Variants in ZNF862 observed in about 807,000 individuals in gnomAD.
The protein encoded by ZNF862 is zinc finger protein 862.
A neutral mutation model predicts 91.1 loss-of-function variants in ZNF862; 64 were observed. The observed-to-expected ratio is 0.70, with a 90% CI of 0.57 to 0.87. The LOEUF (loss-of-function observed/expected upper bound fraction) is 0.87, where lower values mean the gene tolerates loss of function less well. ZNF862 is among the 40% of genes least tolerant of loss of function. The pLI is 0.00. For missense variants in ZNF862, 1,459 were observed against 1,528.0 expected (o/e 0.95, Z 0.75); for synonymous variants, 631 against 618.1 (o/e 1.02, Z -0.31).
intron 5 of ZNF862, among the ~76,000 whole-genome samples, chr7:149,856,886 C>G (rs1435776179): frequency 6.6e-6 from 1 of 152,244 alleles, no homozygotes; most frequent in Non-Finnish European, 1.5e-5. Flanking sequence ...ATTCTTCCCT[C>G]ATGATTCAGT....
chr7:149,861,471 G>A lies in ZNF862; in HGVS notation c.2311G>A (p.Ala771Thr), dbSNP rs1159540279. 1 of 1,613,242 alleles carries A rather than the reference G, an allele frequency of 6.2e-7. No homozygotes were observed. Residue 771 changes from alanine (A) to threonine (T), a missense_variant, in exon 7 of 8, where the codon GCG becomes ACG. By Grantham distance (58) the Ala-to-Thr change is moderately conservative. Transcript: ENST00000223210. The surrounding 1 kb of genome is among the most constrained non-coding windows in gnomAD (Gnocchi z 6.7). ...GAGGCTGAACGAGCTGCAGGAAGGT[G>A]CGGCGCCTCTGGAGCAGGAGATCAT... is the stretch of plus-strand genomic sequence containing the variant. The part of the protein sequence containing the change: ...NKRLNELQEG[A>T]APLEQEIIRL...
In ZNF862 at chr7:149,838,382, G is replaced by A. The variant is rs1801590414; in HGVS notation, c.-230G>A. 1 of 394,368 alleles carries A rather than the reference G, an allele frequency of 2.5e-6. No homozygotes were observed. Among genetic ancestry groups the A allele is most frequent in the Non-Finnish European group, 4.5e-6 (1 of 223,836 alleles). 24.4% of individuals were successfully genotyped at this position (394,368 alleles called of 1,614,324 possible). A position where few individuals can be genotyped will look rare whatever the true frequency, so the allele number is the denominator to read the frequency against. On this transcript the variant is annotated 5_prime_UTR_variant, in exon 1 of 8. Transcript: ENST00000223210. ...CGCCGCCTGGGGCTGGGCAGTGACC[G>A]TAAAGCTGTTCGCTCGGTGCGACGC... is the stretch of plus-strand genomic sequence containing the variant.
chr7:149,855,919 C>T lies in ZNF862; in HGVS notation c.1118-3503C>T, dbSNP rs142622706. The T allele has an allele frequency of 9.3e-3, 1,425 of 152,420 alleles. 27 individuals carry two copies. The highest frequency in any genetic ancestry group is 0.032 in the African/African-American group (1,343 of 41,568). The allele number at this position is 152,420 out of a possible 1,614,324, so 9.4% of individuals were successfully genotyped here. A position where few individuals can be genotyped will look rare whatever the true frequency, so the allele number is the denominator to read the frequency against. On this transcript the variant is annotated intron_variant, in intron 5 of 7. Transcript: ENST00000223210. The surrounding 1 kb of genome is among the most constrained non-coding windows in gnomAD (Gnocchi z 4.1). Reference sequence around the variant, plus strand: ...ATCCAAGGCTGGACTCGTGGCCATTCACGGCTCCCAGAGATACAGGTCAGG... The same window carrying T: ...ATCCAAGGCTGGACTCGTGGCCATTTACGGCTCCCAGAGATACAGGTCAGG...
At position 149,864,337 on chromosome 7, in the gene ZNF862, C is replaced by T; in HGVS notation, c.*53C>T. On this transcript the variant is annotated 3_prime_UTR_variant, in exon 8 of 8. Transcript: ENST00000223210. ...GGAGACGCCTCTGTGATCACTGGGA[C>T]AGGCTCTGCAGATTCTAGGCTGCCC... 6.6e-7 allele frequency: 1 copy of T among 1,511,512 alleles called. No individual in the cohort carries two copies. Among genetic ancestry groups the T allele is most frequent in the Non-Finnish European group, 8.9e-7 (1 of 1,124,174 alleles). 93.6% of individuals were successfully genotyped at this position (1,511,512 alleles called of 1,614,324 possible).
At position 149,861,403 on chromosome 7, in the gene ZNF862, G is replaced by A. The variant is rs760247048; in HGVS notation, c.2243G>A (p.Arg748Gln). The A allele has an allele frequency of 1.2e-5, 19 of 1,613,048 alleles. 1 individual carries two copies. The highest frequency in any genetic ancestry group is 5.5e-5 in the South Asian group (5 of 91,090). Residue 748 changes from arginine to glutamine, a missense_variant, in exon 7 of 8, where the codon CGG becomes CAG. Transcript: ENST00000223210. The surrounding 1 kb of genome is among the most constrained non-coding windows in gnomAD (Gnocchi z 6.7). The stretch of plus-strand genomic sequence containing the variant: ...ATCGATCTGGTGAAGAAGTGTGACC[G>A]GCACATCCGCACCGTCTTCAAGTTT... ...GSIDLVKKCD[R>Q]HIRTVFKFYQ...
At position 149,850,450 on chromosome 7, in the gene ZNF862, G is replaced by A. The variant is rs1345565580; in HGVS notation, c.1117+112G>A. ...ATTCCTGCCCCCTCCCTGTGTGTAGGCAGAGACCGATCCTGTCTTTTGCAC... is the reference window on the plus strand; with the variant it reads ...ATTCCTGCCCCCTCCCTGTGTGTAGACAGAGACCGATCCTGTCTTTTGCAC... On this transcript the variant is annotated intron_variant, in intron 5 of 7. Transcript: ENST00000223210. This position sits in a 1 kb window ranked among gnomAD's most constrained non-coding sequence, Gnocchi z 4.2. 3.5e-6 allele frequency: 4 copies of A among 1,155,498 alleles called. No individual in the cohort carries two copies. The highest frequency in any genetic ancestry group is 1.5e-5 in the African/African-American group (1 of 64,666). The allele number at this position is 1,155,498 out of a possible 1,614,324, so 71.6% of individuals were successfully genotyped here.
Position 149,846,148 on chromosome 7 carries a change from C to T in ZNF862, c.137-3C>T. The T allele has an allele frequency of 6.2e-7, 1 of 1,603,640 alleles. No homozygotes were observed. On this transcript the variant is annotated splice_polypyrimidine_tract_variant and splice_region_variant and intron_variant, in intron 2 of 7. Coordinates refer to ENST00000223210, the MANE Select transcript of ZNF862 (RefSeq NM_001099220.3). Reference sequence around the variant, plus strand: ...TCGCTCTCTTTTTTTTTTTTGGACTCAGGACCAACTGTTGCCAATCCTGAG... The same window carrying T: ...TCGCTCTCTTTTTTTTTTTTGGACTTAGGACCAACTGTTGCCAATCCTGAG...
chr7:149,847,019 A>T (rs1801895196), intron 3 of ZNF862, among the ~76,000 whole-genome samples: 1 of 152,238 alleles, frequency 6.6e-6, no homozygotes, highest in African/African-American at 2.4e-5. Context: ...GCCACTGGGC[A>T]TTGGAACTTA....
chr7:149,840,889 T>G (rs2128935167), intron 1 of ZNF862: 2 of 964,146 alleles, frequency 2.1e-6, no homozygotes, highest in Non-Finnish European at 1.2e-6. Flanking sequence ...TTCCTAGAAC[T>G]TATCCCTGTT....
At chr7:149,849,301 A>G (rs1223138900) in intron 4 of ZNF862, among the ~76,000 whole-genome samples, 3 of 152,210 alleles carry the variant, frequency 2.0e-5, no homozygotes, top group African/African-American at 7.2e-5. Flanking sequence ...AGTCAGTGCC[A>G]GAATCTGCCC....
At chr7:149,858,716 G>T (rs1459892043) in intron 5 of ZNF862, 2 of 152,782 alleles carry the variant, frequency 1.3e-5, no homozygotes, top group Non-Finnish European at 2.9e-5. Context: ...TTAAGTAAAG[G>T]TTAGTGCTTA....
At chr7:149,863,653 G>A (rs375231358) in intron 7 of ZNF862, among the ~76,000 whole-genome samples, 3 of 152,340 alleles carry the variant, frequency 2.0e-5, no homozygotes, top group South Asian at 4.1e-4. Context: ...AGGGACAACA[G>A]GACCAGCACA....
chr7:149,860,643 A>C lies in ZNF862; in HGVS notation c.1483A>C (p.Asn495His), dbSNP rs750383246. The C allele has an allele frequency of 6.2e-7, 1 of 1,614,028 alleles. No individual in the cohort carries two copies. Among genetic ancestry groups the C allele is most frequent in the East Asian group, 2.2e-5 (1 of 44,890 alleles). The change falls in exon 7 of 8, where the codon AAT (asparagine) becomes CAT (histidine). Residue 495 changes from asparagine (N) to histidine (H), a missense_variant. Coordinates refer to ENST00000223210, the MANE Select transcript of ZNF862 (RefSeq NM_001099220.3). ...LFCSACIERP[N>H]LHDKSSRLVR... ...CTGCTCAGCCTGCATAGAAAGACCT[A>C]ATCTCCATGATAAATCATCTCGGTT...
chr7:149,841,610 G>T (rs1316535036), intron 1 of ZNF862: 2 of 985,310 alleles, frequency 2.0e-6, no homozygotes, highest in East Asian at 1.1e-4. Flanking sequence ...GCTGCAAGGT[G>T]TGGGTGCTCT....
intron 1 of ZNF862, among the ~76,000 whole-genome samples, chr7:149,843,635 C>A (rs1454110803): frequency 6.6e-6 from 1 of 152,110 alleles, no homozygotes; most frequent in Non-Finnish European, 1.5e-5. Context: ...GTCTGGTAGT[C>A]CAGTCTGCTG....
Position 149,861,645 on chromosome 7 carries a change from C to A in ZNF862, c.2485C>A (p.Leu829Met). 6.2e-7 allele frequency: 1 copy of A among 1,607,444 alleles called. No individual in the cohort carries two copies. Residue 829 changes from leucine (L) to methionine (M), a missense_variant, in exon 7 of 8, where the codon CTG becomes ATG. Physicochemically the swap from Leu to Met is conservative, Grantham distance 15 (BLOSUM62 2). Transcript: ENST00000223210. The surrounding 1 kb of genome is among the most constrained non-coding windows in gnomAD (Gnocchi z 6.7). ...GQIGHRAKGM[L>M]KLMRGFHFVK... is the part of the protein sequence containing the mutation. Reference sequence around the variant, plus strand: ...GATTGGGCACCGGGCCAAAGGGATGCTGAAGCTCATGCGCGGCTTCCACTT... The same window carrying A: ...GATTGGGCACCGGGCCAAAGGGATGATGAAGCTCATGCGCGGCTTCCACTT...
intron 1 of ZNF862, among the ~76,000 whole-genome samples, chr7:149,842,750 C>G (rs1026634863): frequency 2.0e-5 from 3 of 152,192 alleles, no homozygotes; most frequent in Non-Finnish European, 2.9e-5. Flanking sequence ...AGGCTGCCCT[C>G]CCGTCCTGGG....
intron 1 of ZNF862, among the ~76,000 whole-genome samples, chr7:149,842,533 G>C (rs985618730): frequency 1.3e-4 from 20 of 152,212 alleles, no homozygotes; most frequent in Non-Finnish European, 2.5e-4. Context: ...TTGCTTAAGA[G>C]AGATACCAGG....
At chr7:149,846,008 G>A (rs940339034) in intron 2 of ZNF862, 143 bp from the exon 3 acceptor site, 18 of 631,534 alleles carry the variant, frequency 2.9e-5, no homozygotes, top group Non-Finnish European at 4.0e-5. Context: ...GAACCACCAA[G>A]ACTCCTACTT....
Sources: allele counts gnomAD v4.1 joint callset (sites outside exome capture counted in the v4.1 genomes callset), GRCh38; gene constraint gnomAD v4.1.1; non-coding constraint Gnocchi (gnomAD v3.1); transcripts MANE v1.5; gene names NCBI Gene and HGNC (gene_info 2026-07-23, HGNC 2026-07-21).